Variants in PDE4D observed in about 807,000 individuals in gnomAD.
The protein encoded by PDE4D is phosphodiesterase 4D, also known as 3',5'-cyclic-AMP phosphodiesterase 4D.
Under a neutral mutation model 87.4 loss-of-function variants are expected in PDE4D, and 24 were observed. The ratio of observed to expected loss-of-function variants is 0.27; its 90% confidence interval spans 0.20 to 0.39. The LOEUF (loss-of-function observed/expected upper bound fraction) is 0.39, where lower values mean the gene tolerates loss of function less well. Ranked by LOEUF, PDE4D falls within the 10% of genes least tolerant of loss-of-function variation. PDE4D has a pLI of 1.00. For synonymous variants in PDE4D, 384 were observed against 383.2 expected (o/e 1.00, Z -0.02); for missense variants, 714 against 1,041.0 (o/e 0.69, Z 4.32).
intron 2 of PDE4D, among the ~76,000 whole-genome samples, chr5:60,131,680 G>A (rs1779595964): frequency 6.6e-6 from 1 of 152,164 alleles, no homozygotes; most frequent in South Asian, 2.1e-4. Context: ...CAAAGACACA[G>A]GAATATGCCC....
intron 1 of PDE4D, among the ~76,000 whole-genome samples, chr5:59,399,338 AAGGCTACAG>A (rs1790123376): frequency 7.3e-6 from 1 of 136,384 alleles, no homozygotes; most frequent in African/African-American, 2.6e-5. Flanking sequence ...ACTATACTAC[AAGGCTACAG>A]TAACCAAAAC....
At chr5:60,495,499 A>G (rs1749764304) in intron 1 of PDE4D, among the ~76,000 whole-genome samples, 1 of 152,168 alleles carries the variant, frequency 6.6e-6, no homozygotes, top group Admixed American at 6.5e-5. Flanking sequence ...CCAGTGATCT[A>G]TGGACCACTC....
intron 1 of PDE4D, among the ~76,000 whole-genome samples, chr5:59,269,584 C>A (rs1186084427): frequency 6.6e-6 from 1 of 151,938 alleles, no homozygotes; most frequent in Non-Finnish European, 1.5e-5. Flanking sequence ...TGTAAGTGAT[C>A]TTAACAGTCA....
intron 1 of PDE4D, among the ~76,000 whole-genome samples, chr5:60,337,380 T>TACACACACACACACAC (rs1474890248): frequency 4.2e-5 from 5 of 118,238 alleles, no homozygotes; most frequent in African/African-American, 1.9e-4. Flanking sequence ...TATATATATA[T>TACACACACACACACAC]ATATATATAC....
intron 1 of PDE4D, among the ~76,000 whole-genome samples, chr5:59,222,573 T>C (rs1035315125): frequency 9.9e-5 from 15 of 152,162 alleles, no homozygotes; most frequent in Admixed American, 5.9e-4. Flanking sequence ...GGGAAGATCT[T>C]GCTGAATGTC....
At chr5:60,286,172 T>G (rs1322060024) in intron 1 of PDE4D, among the ~76,000 whole-genome samples, 1 of 152,126 alleles carries the variant, frequency 6.6e-6, no homozygotes, top group African/African-American at 2.4e-5. Context: ...TTCTTATAAG[T>G]GCCACAAAAA....
At chr5:59,707,562 A>T (rs79143108) in intron 1 of PDE4D, among the ~76,000 whole-genome samples, 1,630 of 152,166 alleles carry the variant, frequency 0.011, 24 homozygotes, top group African/African-American at 0.038. Context: ...CAGGTTTGTT[A>T]CATAGGTAGA....
chr5:59,496,148 C>T (rs745829236), intron 1 of PDE4D, among the ~76,000 whole-genome samples: 5 of 152,144 alleles, frequency 3.3e-5, no homozygotes, highest in Non-Finnish European at 5.9e-5. Flanking sequence ...AGCCGCTCAG[C>T]AGCCCGGGCT....
At chr5:58,979,828 C>T (rs1442427053) in intron 11 of PDE4D, among the ~76,000 whole-genome samples, 4 of 152,156 alleles carry the variant, frequency 2.6e-5, no homozygotes, top group Non-Finnish European at 4.4e-5. Context: ...GTCTTTATCT[C>T]TACAAATCTT....
intron 1 of PDE4D, among the ~76,000 whole-genome samples, chr5:59,863,932 C>T (rs891474729): frequency 3.3e-5 from 5 of 152,138 alleles, no homozygotes; most frequent in Admixed American, 3.3e-4. Context: ...GATGCAGCTT[C>T]AAAACCCTGA....
intron 1 of PDE4D, among the ~76,000 whole-genome samples, chr5:59,837,350 GAA>G (rs2152704169): frequency 6.6e-6 from 1 of 152,172 alleles, no homozygotes; most frequent in African/African-American, 2.4e-5. Flanking sequence ...AGTGTCCACA[GAA>G]GCTATCTTAG....
intron 1 of PDE4D, among the ~76,000 whole-genome samples, chr5:59,633,785 T>A (rs554893319): frequency 5.9e-5 from 9 of 152,224 alleles, no homozygotes; most frequent in African/African-American, 2.2e-4. Flanking sequence ...TGCAAAAACA[T>A]ATTAAATTGT....
chr5:60,197,071 A>AGATAGACT (rs1741325829), intron 1 of PDE4D, among the ~76,000 whole-genome samples: 1 of 45,834 alleles, frequency 2.2e-5, no homozygotes, highest in Admixed American at 2.4e-4. Context: ...ATAGATAGAT[A>AGATAGACT]GACAGTTAGA....
intron 1 of PDE4D, among the ~76,000 whole-genome samples, chr5:59,482,146 A>AC (rs762210594): frequency 3.0e-4 from 45 of 152,168 alleles, no homozygotes; most frequent in Middle Eastern, 6.8e-3. Context: ...TAACATTCAT[A>AC]CCCTCTCCAG....
intron 1 of PDE4D, among the ~76,000 whole-genome samples, chr5:59,303,885 T>A (rs888862916): frequency 6.6e-6 from 1 of 152,168 alleles, no homozygotes; most frequent in Non-Finnish European, 1.5e-5. Flanking sequence ...TCTTTTTTGG[T>A]TCCATCTGAG....
At chr5:59,194,819 G>A (rs1745097526) in intron 2 of PDE4D, among the ~76,000 whole-genome samples, 1 of 152,126 alleles carries the variant, frequency 6.6e-6, no homozygotes, top group Non-Finnish European at 1.5e-5. Context: ...ACTAATAAGT[G>A]GTAGAGGCAG....
chr5:60,383,869 G>A (rs1762027899), intron 1 of PDE4D, among the ~76,000 whole-genome samples: 1 of 152,278 alleles, frequency 6.6e-6, no homozygotes, highest in South Asian at 2.1e-4. Context: ...CTGAAAAAAA[G>A]TTGTATTCTC....
At position 60,107,171 on chromosome 5, in the gene PDE4D, G is replaced by C. The variant is rs1562101867; in HGVS notation, c.42+78386C>G. Among the ~76,000 whole-genome samples the C allele has an allele frequency of 2.0e-5, 3 of 151,954 alleles. No homozygotes were observed. The East Asian group carries it at 5.8e-4, about 29-fold the overall frequency. On this transcript the variant is annotated intron_variant, in intron 2 of 16. Coordinates refer to the PDE4D transcript ENST00000502484. ...ATAGATGCAATAAAAAATGATAAAG[G>C]GAATATCACCAATGATCCCACAGAA...
intron 1 of PDE4D, among the ~76,000 whole-genome samples, chr5:59,382,543 T>C (rs1454353806): frequency 6.6e-6 from 1 of 152,182 alleles, no homozygotes; most frequent in Non-Finnish European, 1.5e-5. Context: ...CTGTAAATAA[T>C]GCTTATTGGT....
Sources: allele counts gnomAD v4.1 joint callset (sites outside exome capture counted in the v4.1 genomes callset), GRCh38; gene constraint gnomAD v4.1.1; transcripts MANE v1.5; gene names NCBI Gene and HGNC (gene_info 2026-07-23, HGNC 2026-07-21).